The following PARD3 variants were observed in gnomAD, a reference collection of about 807,000 sequenced individuals.
PARD3 encodes the protein partitioning defective 3 homolog.
In PARD3, 75 loss-of-function variants were observed where a neutral mutation model predicts 155.4. The observed-to-expected ratio is 0.48, with a 90% CI of 0.40 to 0.58. PARD3 has a LOEUF of 0.58. PARD3 is among the 20% of genes least tolerant of loss of function. The pLI is 0.00. For missense variants in PARD3, 1,642 were observed against 1,721.7 expected, an observed-to-expected ratio of 0.95 and a Z score of 0.82; for synonymous variants, 576 against 610.5, an observed-to-expected ratio of 0.94 and a Z score of 0.83.
chr10:34,323,381 T>G (rs192819404), intron 19 of PARD3, among the ~76,000 whole-genome samples: 13 of 151,554 alleles, frequency 8.6e-5, no homozygotes, highest in Non-Finnish European at 1.6e-4. Flanking sequence ...ACAGGAAGAC[T>G]TTAGAGCTTT....
intron 2 of PARD3, among the ~76,000 whole-genome samples, chr10:34,665,324 C>G (rs1417760489): frequency 1.3e-5 from 2 of 150,652 alleles, no homozygotes; most frequent in Non-Finnish European, 2.9e-5. Flanking sequence ...CCAGCCTGAC[C>G]AACATGGAGA....
intron 5 of PARD3, among the ~76,000 whole-genome samples, chr10:34,435,159 G>A (rs1392230741): frequency 6.6e-6 from 1 of 152,018 alleles, no homozygotes; most frequent in Non-Finnish European, 1.5e-5. Flanking sequence ...GTGCATAGCT[G>A]TTTCTGGTTT....
intron 1 of PARD3, 123 bp from the exon 2 acceptor site, chr10:34,696,542 C>A (rs2094176251): frequency 1.5e-6 from 1 of 669,766 alleles, no homozygotes; most frequent in African/African-American, 1.8e-5. Context: ...AACAATACTG[C>A]AACTGATTAA....
At chr10:34,814,782 C>T in intron 1 of PARD3, 94 bp downstream of exon 1, 1 of 1,139,560 alleles carries the variant, frequency 8.8e-7, no homozygotes. Context: ...CCCCGCCTCC[C>T]TGCGCCTCTC....
At chr10:34,612,971 T>C (rs1480571097) in intron 2 of PARD3, among the ~76,000 whole-genome samples, 1 of 152,174 alleles carries the variant, frequency 6.6e-6, no homozygotes, top group Non-Finnish European at 1.5e-5. Context: ...AGTTAACATA[T>C]ATAATTATCC....
intron 14 of PARD3, among the ~76,000 whole-genome samples, chr10:34,351,472 T>C (rs1046264493): frequency 1.3e-5 from 2 of 152,216 alleles, no homozygotes; most frequent in Non-Finnish European, 2.9e-5. Flanking sequence ...CTGGAAAATA[T>C]TAGCTTCCAG....
intron 22 of PARD3, among the ~76,000 whole-genome samples, chr10:34,180,141 G>A (rs1266019652): frequency 6.6e-6 from 1 of 151,964 alleles, no homozygotes; most frequent in African/African-American, 2.4e-5. Context: ...TCCCCGTCCC[G>A]GGTTCAAGCG....
chr10:34,564,979 G>A (rs1398635153), intron 2 of PARD3, among the ~76,000 whole-genome samples: 2 of 152,084 alleles, frequency 1.3e-5, no homozygotes, highest in African/African-American at 4.8e-5. Flanking sequence ...GAAAAGCCAA[G>A]AAACTTGCCC....
intron 5 of PARD3, among the ~76,000 whole-genome samples, chr10:34,438,118 T>C (rs998800639): frequency 6.6e-6 from 1 of 152,188 alleles, no homozygotes; most frequent in African/African-American, 2.4e-5. Context: ...CACCACTGGA[T>C]ACAGGCCAGC....
intron 5 of PARD3, among the ~76,000 whole-genome samples, chr10:34,407,414 C>T (rs899560078): frequency 2.6e-5 from 4 of 152,260 alleles, no homozygotes; most frequent in Middle Eastern, 3.4e-3. Context: ...TAGCAGACAG[C>T]GCAGGCGTGT....
At chr10:34,193,405 T>C (rs1950799578) in intron 22 of PARD3, among the ~76,000 whole-genome samples, 1 of 152,216 alleles carries the variant, frequency 6.6e-6, no homozygotes, top group Non-Finnish European at 1.5e-5. Context: ...TTTTACTATT[T>C]GTATACACAA....
intron 4 of PARD3, among the ~76,000 whole-genome samples, chr10:34,455,824 A>G (rs1326685494): frequency 6.6e-6 from 1 of 152,172 alleles, no homozygotes; most frequent in Non-Finnish European, 1.5e-5. Flanking sequence ...TGAACCAACT[A>G]AAAAGCAATA....
Position 34,597,276 on chromosome 10 carries a change from CT to C in PARD3, c.223-80118del, listed in dbSNP as rs932847641. Reference sequence around the variant, plus strand: ...CTCCTCCTTTAGTATAATTTTAGCGCTTTTTTTTGTTTTTGTTTATATTTAT... The same window carrying C: ...CTCCTCCTTTAGTATAATTTTAGCGCTTTTTTTGTTTTTGTTTATATTTAT... On this transcript the variant is annotated intron_variant, in intron 2 of 24. Transcript: ENST00000374788. Among the ~76,000 whole-genome samples the C allele has an allele frequency of 1.4e-3, 212 of 151,202 alleles. 1 individual carries two copies. The highest frequency in any genetic ancestry group is 4.6e-3 in the African/African-American group (189 of 41,200).
At chr10:34,144,616 T>C (rs754786129) in intron 22 of PARD3, among the ~76,000 whole-genome samples, 2 of 152,212 alleles carry the variant, frequency 1.3e-5, no homozygotes, top group Non-Finnish European at 2.9e-5. Context: ...GTAATATATT[T>C]ATATCACTAT....
At chr10:34,574,252 TCAAAAG>T (rs1175924569) in intron 2 of PARD3, among the ~76,000 whole-genome samples, 3 of 152,200 alleles carry the variant, frequency 2.0e-5, no homozygotes, top group Non-Finnish European at 4.4e-5. Flanking sequence ...CTTTAAACAA[TCAAAAG>T]CAAATGATTT....
rs1337267188 is a variant in PARD3 at position 34,598,396 on chromosome 10, T to C, written c.223-81237A>G. Among the ~76,000 whole-genome samples the C allele has an allele frequency of 2.0e-5, 3 of 152,300 alleles. No individual in the cohort carries two copies. The East Asian group carries it at 5.8e-4, about 29-fold the overall frequency. On this transcript the variant is annotated intron_variant, in intron 2 of 24. Transcript: ENST00000374788. ...AGCAGATGTCAGTTTGAAATTAAAC[T>C]TTCAGCTTTATGACAAGGAATAGTC...
chr10:34,800,714 T>C (rs1842767743), intron 1 of PARD3, among the ~76,000 whole-genome samples: 1 of 152,038 alleles, frequency 6.6e-6, no homozygotes, highest in Non-Finnish European at 1.5e-5. Flanking sequence ...CACAGTAAGT[T>C]AGGAATGAAA....
intron 22 of PARD3, among the ~76,000 whole-genome samples, chr10:34,171,327 G>A (rs1392612389): frequency 6.6e-6 from 1 of 152,068 alleles, no homozygotes; most frequent in East Asian, 1.9e-4. Flanking sequence ...ATAGAGAGAG[G>A]CTTTTGCAGC....
intron 14 of PARD3, among the ~76,000 whole-genome samples, chr10:34,351,392 C>G (rs1838065478): frequency 6.6e-6 from 1 of 152,148 alleles, no homozygotes; most frequent in South Asian, 2.1e-4. Context: ...TGGAAATAGG[C>G]TGTTAAAACT....
Sources: allele counts gnomAD v4.1 joint callset (sites outside exome capture counted in the v4.1 genomes callset), GRCh38; gene constraint gnomAD v4.1.1; transcripts MANE v1.5; gene names NCBI Gene and HGNC (gene_info 2026-07-23, HGNC 2026-07-21).